RAPGEF4: variants seen among roughly 807,000 people sequenced by gnomAD.
RAPGEF4 encodes RAP guanine-nucleotide-exchange factor (GEF) 4.
In RAPGEF4, 66 loss-of-function variants were observed where a neutral mutation model predicts 147.9. That is an observed-to-expected ratio of 0.45 (90% CI 0.37 to 0.55). The LOEUF (loss-of-function observed/expected upper bound fraction) is 0.55, where lower values mean the gene tolerates loss of function less well. RAPGEF4 is among the 20% of genes least tolerant of loss of function. The probability of loss-of-function intolerance (pLI) is 0.00; values close to 1 mark genes in which losing one functional copy is unlikely to be tolerated. For missense variants in RAPGEF4, 1,071 were observed against 1,257.3 expected (o/e 0.85, Z 2.24); for synonymous variants, 419 against 442.7 (o/e 0.95, Z 0.67).
At chr2:172,955,940 G>A (rs892830202) in intron 6 of RAPGEF4, among the ~76,000 whole-genome samples, 3 of 152,176 alleles carry the variant, frequency 2.0e-5, no homozygotes, top group African/African-American at 4.8e-5. Flanking sequence ...TTCTGCCTTT[G>A]GGCTGGTTTT....
At chr2:172,945,083 T>C (rs1032259112) in intron 6 of RAPGEF4, among the ~76,000 whole-genome samples, 2 of 152,168 alleles carry the variant, frequency 1.3e-5, no homozygotes, top group Non-Finnish European at 2.9e-5. Context: ...TCATGCTACT[T>C]ATTTCTTTGG....
intron 1 of RAPGEF4, among the ~76,000 whole-genome samples, chr2:172,739,965 A>C (rs1453349681): frequency 6.6e-6 from 1 of 152,244 alleles, no homozygotes; most frequent in Non-Finnish European, 1.5e-5. Flanking sequence ...AAAGAAGATC[A>C]GTATTTTGTG....
chr2:173,029,697 G>A (rs1437222276), intron 25 of RAPGEF4, among the ~76,000 whole-genome samples: 1 of 152,194 alleles, frequency 6.6e-6, no homozygotes, highest in Non-Finnish European at 1.5e-5. Flanking sequence ...CAAACAAGTA[G>A]CATTTGCATG....
chr2:172,773,312 C>A (rs1559034157), intron 1 of RAPGEF4, among the ~76,000 whole-genome samples: 1 of 152,160 alleles, frequency 6.6e-6, no homozygotes, highest in African/African-American at 2.4e-5. Context: ...TAAAAATGAT[C>A]TGGCATCTTT....
intron 6 of RAPGEF4, among the ~76,000 whole-genome samples, chr2:172,950,518 TA>T (rs1418033864): frequency 6.6e-6 from 1 of 152,230 alleles, no homozygotes; most frequent in African/African-American, 2.4e-5. Flanking sequence ...GAGGGTAATG[TA>T]AGGATTATGT....
chr2:173,020,520 G>A lies in RAPGEF4; in HGVS notation c.2156-98G>A, dbSNP rs532552239. 2.2e-4 allele frequency: 212 copies of A among 952,218 alleles called. 1 individual carries two copies. The highest frequency in any genetic ancestry group is 1.3e-3 in the Middle Eastern group (6 of 4,740). 59.0% of individuals were successfully genotyped at this position (952,218 alleles called of 1,614,324 possible). Reference sequence around the variant, plus strand: ...TTTATGCAGTCACTCTGCGTGTTCCGGTAATTCACCAAGCTGGCAATTTGT... The same window carrying A: ...TTTATGCAGTCACTCTGCGTGTTCCAGTAATTCACCAAGCTGGCAATTTGT... On this transcript the variant is annotated intron_variant, in intron 22 of 30. Transcript: ENST00000397081.
intron 6 of RAPGEF4, among the ~76,000 whole-genome samples, chr2:172,956,621 CA>C: frequency 6.6e-6 from 1 of 152,200 alleles, no homozygotes; most frequent in Middle Eastern, 3.4e-3. Flanking sequence ...AGGTGCCCGC[CA>C]CCACGCCCGG....
chr2:173,033,948 A>G lies in RAPGEF4; in HGVS notation c.2684A>G (p.Glu895Gly). ...LPSKFKKFYA[E>G]FESLMDPSRN... Reference sequence around the variant, plus strand: ...AGCAAGTTCAAGAAGTTCTATGCGGAGTTTGAAAGTTTAATGGTAAGTGAC... The same window carrying G: ...AGCAAGTTCAAGAAGTTCTATGCGGGGTTTGAAAGTTTAATGGTAAGTGAC... Residue 895 changes from glutamate (E) to glycine (G), a missense_variant, in exon 27 of 31, where the codon GAG becomes GGG. Glu to Gly is a moderately conservative substitution (Grantham distance 98). Transcript: ENST00000397081. 6.2e-7 allele frequency: 1 copy of G among 1,612,758 alleles called. No individual in the cohort carries two copies. Among genetic ancestry groups the G allele is most frequent in the Non-Finnish European group, 8.5e-7 (1 of 1,179,624 alleles).
At chr2:172,829,016 T>A (rs1458376671) in intron 4 of RAPGEF4, among the ~76,000 whole-genome samples, 1 of 152,020 alleles carries the variant, frequency 6.6e-6, no homozygotes, top group Non-Finnish European at 1.5e-5. Flanking sequence ...GGAACAGGGA[T>A]CAGGAGCACA....
intron 23 of RAPGEF4, among the ~76,000 whole-genome samples, chr2:173,021,271 TC>T (rs1696059987): frequency 6.6e-6 from 1 of 152,220 alleles, no homozygotes; most frequent in African/African-American, 2.4e-5. Context: ...TAGCCTGCTC[TC>T]TTTTAAGTCG....
chr2:172,886,666 G>C (rs1240621667), intron 4 of RAPGEF4, among the ~76,000 whole-genome samples: 3 of 151,012 alleles, frequency 2.0e-5, no homozygotes, highest in Non-Finnish European at 4.4e-5. Context: ...TTATCACACA[G>C]AAGTGAGATT....
At chr2:173,030,875 A>G (rs1697128084) in intron 26 of RAPGEF4, among the ~76,000 whole-genome samples, 1 of 152,336 alleles carries the variant, frequency 6.6e-6, no homozygotes, top group African/African-American at 2.4e-5. Context: ...AGAGTTGGGT[A>G]TTCAAGCTAG....
intron 4 of RAPGEF4, among the ~76,000 whole-genome samples, chr2:172,836,152 G>GA (rs1448396758): frequency 6.6e-6 from 1 of 152,138 alleles, no homozygotes; most frequent in Non-Finnish European, 1.5e-5. Context: ...GCAAATTAGT[G>GA]AAAAAACAAT....
intron 1 of RAPGEF4, among the ~76,000 whole-genome samples, chr2:172,794,229 A>T (rs1462705711): frequency 6.6e-6 from 1 of 151,462 alleles, no homozygotes; most frequent in Non-Finnish European, 1.5e-5. Flanking sequence ...AATACAAAAA[A>T]TTAGTTGGAT....
At chr2:172,983,209 A>T (rs1390008177) in intron 10 of RAPGEF4, among the ~76,000 whole-genome samples, 1 of 152,212 alleles carries the variant, frequency 6.6e-6, no homozygotes, top group Non-Finnish European at 1.5e-5. Flanking sequence ...CTACAAAGTG[A>T]GAGATGAGTT....
At chr2:172,960,886 CAG>C (rs1169590619) in intron 7 of RAPGEF4, 73 bp downstream of exon 7, 1 of 1,229,834 alleles carries the variant, frequency 8.1e-7, no homozygotes, top group African/African-American at 1.5e-5. Context: ...GTCCATATGT[CAG>C]GGGATCACAT....
intron 6 of RAPGEF4, among the ~76,000 whole-genome samples, chr2:172,951,067 C>A (rs1034560294): frequency 1.3e-5 from 2 of 152,224 alleles, no homozygotes; most frequent in Non-Finnish European, 2.9e-5. Context: ...GGGCTTCATG[C>A]AGTCATTAAA....
At chr2:172,841,814 A>ACACT (rs1553516918) in intron 4 of RAPGEF4, among the ~76,000 whole-genome samples, 2 of 129,164 alleles carry the variant, frequency 1.5e-5, no homozygotes, top group African/African-American at 6.0e-5. Context: ...ACACACACAC[A>ACACT]CACTACACAC....
At chr2:172,921,124 T>G (rs1169147481) in intron 5 of RAPGEF4, among the ~76,000 whole-genome samples, 9 of 147,382 alleles carry the variant, frequency 6.1e-5, no homozygotes, top group Non-Finnish European at 9.0e-5. Flanking sequence ...CTTTGTTTTG[T>G]TTTTTTTTTA....
Sources: allele counts gnomAD v4.1 joint callset (sites outside exome capture counted in the v4.1 genomes callset), GRCh38; gene constraint gnomAD v4.1.1; transcripts MANE v1.5; gene names NCBI Gene and HGNC (gene_info 2026-07-23, HGNC 2026-07-21).